The following MICAL2 variants were observed in gnomAD, a reference collection of about 807,000 sequenced individuals.
The protein encoded by MICAL2 is microtubule associated monooxygenase, calponin and LIM domain containing 2.
In MICAL2, 77 loss-of-function variants were observed where a neutral mutation model predicts 127.3. The observed-to-expected ratio is 0.60, with a 90% CI of 0.50 to 0.73. MICAL2 has a LOEUF of 0.73. MICAL2 is among the 30% of genes least tolerant of loss of function. The probability of loss-of-function intolerance (pLI) is 0.00; values close to 1 mark genes in which losing one functional copy is unlikely to be tolerated. For missense variants in MICAL2, 1,351 were observed against 1,434.4 expected (o/e 0.94, Z 0.94); for synonymous variants, 570 against 551.1 (o/e 1.03, Z -0.48).
At chr11:12,195,705 C>CT (rs35521222) in intron 3 of MICAL2, among the ~76,000 whole-genome samples, 61,993 of 144,042 alleles carry the variant, frequency 0.43, 15,824 homozygotes, top group Non-Finnish European at 0.58. Context: ...CAATAGATTT[C>CT]TTTTTTTTTT....
chr11:12,247,057 C>T (rs1226409093), intron 21 of MICAL2, among the ~76,000 whole-genome samples: 2 of 152,126 alleles, frequency 1.3e-5, no homozygotes, highest in African/African-American at 4.8e-5. Flanking sequence ...ATGGTGAGAA[C>T]TGAGCAGGAG....
downstream of MICAL2, chr11:12,294,250 A>G: frequency 1.2e-6 from 2 of 1,614,164 alleles, no homozygotes; most frequent in Non-Finnish European, 1.7e-6. Flanking sequence ...TGCGGCTCAT[A>G]GCCAATGCCA....
chr11:12,205,671 C>G (rs745778100), intron 4 of MICAL2, among the ~76,000 whole-genome samples: 1 of 152,196 alleles, frequency 6.6e-6, no homozygotes, highest in Non-Finnish European at 1.5e-5. Flanking sequence ...CTTCAAGCCT[C>G]AGTTTTATCT....
chr11:12,323,851 G>A (rs1052827056), intron 30 of MICAL2: 16 of 1,079,028 alleles, frequency 1.5e-5, no homozygotes, highest in African/African-American at 1.1e-4. Context: ...ACCAGATGTC[G>A]TTATTTTAGA....
chr11:12,277,383 T>TGCG (rs1863733256), intron 1 of MICAL2, among the ~76,000 whole-genome samples: 1 of 152,076 alleles, frequency 6.6e-6, no homozygotes, highest in Admixed American at 6.6e-5. Flanking sequence ...AATAGGCTGC[T>TGCG]CTCTTTAGGG....
rs113307475 is a variant in MICAL2, at chr11:12,115,036, CT to C, written c.-149+4311del. On this transcript the variant is annotated intron_variant, in intron 1 of 27. Transcript: ENST00000683283. ...GACCACTCATCTTTTCTTCTTCCTTCTGTCTCTGGACAGTGCTGCTTCTCCT... is the reference window on the plus strand; with the variant it reads ...GACCACTCATCTTTTCTTCTTCCTTCGTCTCTGGACAGTGCTGCTTCTCCT... Among the ~76,000 whole-genome samples, 702 of 152,366 alleles carry C rather than the reference CT, an allele frequency of 4.6e-3. 5 individuals are homozygous for C. The highest frequency in any genetic ancestry group is 0.016 in the African/African-American group (675 of 41,584).
At chr11:12,267,878 C>T (rs1387908266), downstream of MICAL2, among the ~76,000 whole-genome samples, 2 of 152,166 alleles carry the variant, frequency 1.3e-5, no homozygotes, top group East Asian at 3.9e-4. Context: ...CAGGTGTGAG[C>T]CACTGTGCCT....
chr11:12,296,524 T>A (rs1863987661), downstream of MICAL2, among the ~76,000 whole-genome samples: 1 of 148,818 alleles, frequency 6.7e-6, no homozygotes, highest in African/African-American at 2.4e-5. Context: ...CACATTAAAT[T>A]TTGTGATGTG....
chr11:12,235,296 C>A (rs892832573), intron 15 of MICAL2, among the ~76,000 whole-genome samples: 2 of 152,146 alleles, frequency 1.3e-5, no homozygotes, highest in African/African-American at 4.8e-5. Context: ...AGCCGAGTGC[C>A]CTTTGGGAGC....
At chr11:12,254,738 T>G (rs1862075245) in intron 22 of MICAL2, 1 of 152,190 alleles carries the variant, frequency 6.6e-6, no homozygotes, top group East Asian at 1.9e-4. Context: ...GGGATTCATG[T>G]ACATATCTGT....
Position 12,311,602 on chromosome 11 carries a change from G to A in MICAL2, c.5213-8094G>A, listed in dbSNP as rs77764962. On this transcript the variant is annotated intron_variant, in intron 29 of 34. Transcript: ENST00000646065. The stretch of plus-strand genomic sequence containing the variant: ...TTTTTCTTAGAGACAGCGTTTCACC[G>A]TGTTAGCCAGGCTGGTCTCAAACTT... Among the ~76,000 whole-genome samples, 38 of 152,236 alleles carry A rather than the reference G, an allele frequency of 2.5e-4. 1 individual carries two copies. In the East Asian group the frequency reaches 6.0e-3, roughly 24 times the overall value.
chr11:12,343,954 A>G (rs974466242), intron 32 of MICAL2, among the ~76,000 whole-genome samples: 1 of 152,226 alleles, frequency 6.6e-6, no homozygotes, highest in Non-Finnish European at 1.5e-5. Flanking sequence ...TCTTGGATGT[A>G]GCATTACTCA....
chr11:12,193,440 A>G (rs983848051), intron 3 of MICAL2, among the ~76,000 whole-genome samples: 1 of 152,236 alleles, frequency 6.6e-6, no homozygotes, highest in African/African-American at 2.4e-5. Context: ...TCCAGGCCTC[A>G]TCATGGCCCT....
In MICAL2 at chr11:12,213,374, A is replaced by T. The variant is rs1855758438; in HGVS notation, c.811A>T (p.Asn271Tyr). 1.2e-6 allele frequency: 2 copies of T among 1,613,830 alleles called. No individual in the cohort carries two copies. The highest frequency in any genetic ancestry group is 1.7e-6 in the Non-Finnish European group (2 of 1,179,888). Residue 271 changes from asparagine to tyrosine, a missense_variant, in exon 7 of 28, where the codon AAT becomes TAT. By Grantham distance (143) the Asn-to-Tyr change is moderately radical (BLOSUM62 -2). Around this residue, in one of 2 missense-constraint regions of MICAL2, gnomAD observed 599 missense variants for 714.9 expected, o/e 0.84. Transcript: ENST00000683283. ...GATTAGTGGTGTGGCTTTCATCTTCAATCAGAAATTTTTTCAGGACCTTAA... is the reference window on the plus strand; with the variant it reads ...GATTAGTGGTGTGGCTTTCATCTTCTATCAGAAATTTTTTCAGGACCTTAA... The part of the protein sequence containing the change: ...EEISGVAFIF[N>Y]QKFFQDLKEE...
intron 1 of MICAL2, among the ~76,000 whole-genome samples, chr11:12,277,616 C>T (rs766109652): frequency 2.0e-5 from 3 of 152,060 alleles, no homozygotes; most frequent in African/African-American, 4.8e-5. Flanking sequence ...AAGAGAAGGT[C>T]GGTGCGGCAG....
intron 29 of MICAL2, among the ~76,000 whole-genome samples, chr11:12,314,012 GT>G (rs1241178156): frequency 2.4e-5 from 1 of 41,786 alleles, no homozygotes; most frequent in Admixed American, 3.0e-4. Context: ...CTTTTGGTTT[GT>G]TTTTCACATG....
intron 32 of MICAL2, among the ~76,000 whole-genome samples, chr11:12,338,718 T>A (rs1938809650): frequency 6.6e-6 from 1 of 152,204 alleles, no homozygotes; most frequent in Admixed American, 6.5e-5. Flanking sequence ...TTATGAAGCT[T>A]AGTTTGGCTG....
intron 1 of MICAL2, among the ~76,000 whole-genome samples, chr11:12,280,263 C>T (rs868088304): frequency 2.6e-4 from 40 of 152,088 alleles, no homozygotes; most frequent in African/African-American, 9.4e-4. Flanking sequence ...ATGAGCTTAT[C>T]TGACCAGAGA....
At chr11:12,141,879 T>C (rs560984923) in intron 2 of MICAL2, among the ~76,000 whole-genome samples, 1 of 152,270 alleles carries the variant, frequency 6.6e-6, no homozygotes, top group African/African-American at 2.4e-5. Flanking sequence ...ACAACCAATA[T>C]GAAAAGGGGA....
Sources: allele counts gnomAD v4.1 joint callset (sites outside exome capture counted in the v4.1 genomes callset), GRCh38; gene constraint gnomAD v4.1.1; regional missense constraint gnomAD v4.1.1; transcripts MANE v1.5; gene names NCBI Gene and HGNC (gene_info 2026-07-23, HGNC 2026-07-21).